IGF2BP2: variants seen among roughly 807,000 people sequenced by gnomAD.
IGF2BP2 encodes the protein insulin-like growth factor 2 mRNA-binding protein 2.
A neutral mutation model predicts 75.8 loss-of-function variants in IGF2BP2; 17 were observed. The ratio of observed to expected loss-of-function variants is 0.22; its 90% CI spans 0.15 to 0.34. The LOEUF (loss-of-function observed/expected upper bound fraction) is 0.34. IGF2BP2 is among the 10% of genes least tolerant of loss of function. The pLI is 1.00. For synonymous variants in IGF2BP2, 288 were observed against 295.6 expected (o/e 0.97, Z 0.26); for missense variants, 516 against 772.4 (o/e 0.67, Z 3.93).
At chr3:185,691,357 CA>C (rs1721932495) in intron 5 of IGF2BP2, among the ~76,000 whole-genome samples, 1 of 152,190 alleles carries the variant, frequency 6.6e-6, no homozygotes, top group Non-Finnish European at 1.5e-5. Context: ...CTCGGCCTCC[CA>C]AAGGGCTGGG....
At chr3:185,672,976 T>G (rs1042428307) in intron 9 of IGF2BP2, among the ~76,000 whole-genome samples, 2 of 152,202 alleles carry the variant, frequency 1.3e-5, no homozygotes, top group African/African-American at 4.8e-5. Context: ...TGGCCAGTCC[T>G]GTTTCCTAAA....
chr3:185,772,173 A>T (rs772458021), intron 2 of IGF2BP2, among the ~76,000 whole-genome samples: 2 of 152,100 alleles, frequency 1.3e-5, no homozygotes, highest in African/African-American at 2.4e-5. Flanking sequence ...TGTTTTGTTC[A>T]CTGTTCTAGC....
At chr3:185,684,532 G>A (rs920859058) in intron 7 of IGF2BP2, among the ~76,000 whole-genome samples, 1 of 152,056 alleles carries the variant, frequency 6.6e-6, no homozygotes, top group Non-Finnish European at 1.5e-5. Context: ...AGCTTCCCAA[G>A]TAGCTGGGAC....
At chr3:185,759,029 C>T (rs993211198) in intron 2 of IGF2BP2, among the ~76,000 whole-genome samples, 1 of 152,152 alleles carries the variant, frequency 6.6e-6, no homozygotes, top group African/African-American at 2.4e-5. Context: ...GAATTCAGCT[C>T]CCATGCAGGC....
chr3:185,753,136 A>C (rs2149645668), intron 2 of IGF2BP2, among the ~76,000 whole-genome samples: 1 of 152,298 alleles, frequency 6.6e-6, no homozygotes, highest in Admixed American at 6.5e-5. Flanking sequence ...ATTCTCATAA[A>C]ACCAACTACT....
Position 185,815,080 on chromosome 3 carries a change from G to A in IGF2BP2, c.239+8073C>T, listed in dbSNP as rs901933512. On this transcript the variant is annotated intron_variant, in intron 2 of 15. Transcript: ENST00000382199. The stretch of plus-strand genomic sequence containing the variant: ...TATATATATCTGGGTCAAAGGCATG[G>A]AACAGGCCCTCCTCCCACACTGCAT... 1.3e-5 allele frequency among the ~76,000 whole-genome samples: 2 copies of A among 151,716 alleles called. 1 individual carries two copies. Among genetic ancestry groups the A allele is most frequent in the South Asian group, 4.2e-4 (2 of 4,798 alleles).
intron 10 of IGF2BP2, among the ~76,000 whole-genome samples, chr3:185,664,724 G>C (rs1717009682): frequency 6.6e-6 from 1 of 152,196 alleles, no homozygotes; most frequent in African/African-American, 2.4e-5. Context: ...CAATGCACGA[G>C]ACTGTTAAAC....
In IGF2BP2 at chr3:185,672,576, C is replaced by T. The variant is rs770820589; in HGVS notation, c.1165G>A (p.Gly389Arg). The change falls in exon 10 of 16, where the codon GGA becomes AGA. Residue 389 changes from glycine (G) to arginine (R), a missense_variant. Gly to Arg is a moderately radical substitution (Grantham distance 125). This residue lies in a region of IGF2BP2 where 75 missense variants were observed against 67.4 expected (regional missense o/e 1.11). Coordinates refer to ENST00000382199, the MANE Select transcript of IGF2BP2 (RefSeq NM_006548.6). ...TGGTAGGGGGCAGCGGGGGGAGCTC[C>T]GCGGGGCCCTGCTGGTGGAGATAGC... is the stretch of plus-strand genomic sequence containing the variant. Reference protein sequence around the residue: ...SVLSPPAGPRGAPPAAPYHPF... With the variant: ...SVLSPPAGPRRAPPAAPYHPF... 5 of 1,613,104 alleles carry T rather than the reference C, an allele frequency of 3.1e-6. No individual in the cohort carries two copies. The highest frequency in any genetic ancestry group is 2.5e-6 in the Non-Finnish European group (3 of 1,179,544).
At chr3:185,664,698 C>A (rs1409741743) in intron 10 of IGF2BP2, among the ~76,000 whole-genome samples, 1 of 152,164 alleles carries the variant, frequency 6.6e-6, no homozygotes, top group Admixed American at 6.5e-5. Context: ...AGGGAAGACA[C>A]TGCTGAAAAG....
At chr3:185,772,022 C>G (rs920621945) in intron 2 of IGF2BP2, among the ~76,000 whole-genome samples, 1 of 152,116 alleles carries the variant, frequency 6.6e-6, no homozygotes, top group African/African-American at 2.4e-5. Flanking sequence ...CACAGCAACT[C>G]CTTTTGCTTA....
rs746900841 is a variant in IGF2BP2, at chr3:185,669,139, G to A, written c.1200+3402C>T. Among the ~76,000 whole-genome samples, 16 of 152,194 alleles carry A rather than the reference G, an allele frequency of 1.1e-4. 1 individual carries two copies. The highest frequency in any genetic ancestry group is 2.1e-4 in the South Asian group (1 of 4,822). ...GGTATGGAAGAAAAAATCTTGCTCC[G>A]TTACACACACTCTTGATGGGAATGA... On this transcript the variant is annotated intron_variant, in intron 10 of 15. Transcript: ENST00000382199.
At chr3:185,677,066 TATAGAG>T (rs1216721800) in intron 7 of IGF2BP2, among the ~76,000 whole-genome samples, 1,409 of 38,292 alleles carry the variant, frequency 0.037, 39 homozygotes, top group Non-Finnish European at 0.054. Context: ...TATATATATA[TATAGAG>T]AGAGAGAGAG....
At position 185,675,686 on chromosome 3, in the gene IGF2BP2, A is replaced by G. The variant is rs957998565; in HGVS notation, c.935+105T>C. 3.9e-5 allele frequency: 54 copies of G among 1,377,464 alleles called. No individual in the cohort carries two copies. In the Middle Eastern group the frequency reaches 8.0e-4, roughly 20 times the overall value. 85.3% of individuals were successfully genotyped at this position (1,377,464 alleles called of 1,614,324 possible). On this transcript the variant is annotated intron_variant, in intron 8 of 15. Coordinates refer to ENST00000382199, the MANE Select transcript of IGF2BP2 (RefSeq NM_006548.6). ...GATGATGGAGATAATTGCATCACTT[A>G]TGATTATATTCCCATTTTAGGGAAA... is the stretch of plus-strand genomic sequence containing the variant.
chr3:185,709,580 T>A (rs1301313173), intron 2 of IGF2BP2, among the ~76,000 whole-genome samples: 1 of 152,266 alleles, frequency 6.6e-6, no homozygotes, highest in African/African-American at 2.4e-5. Context: ...GACAGCAGTT[T>A]ACTTCTGAAA....
chr3:185,689,452 A>G lies in IGF2BP2; in HGVS notation c.580T>C (p.Phe194Leu), dbSNP rs561951979. ...GTGGGGACCAGGATCCGCAGCGGGAAATCAATCTGTCTGGCCTGAGAAGTG... is the reference window on the plus strand; with the variant it reads ...GTGGGGACCAGGATCCGCAGCGGGAGATCAATCTGTCTGGCCTGAGAAGTG... The part of the protein sequence containing the change: ...GGTSQARQID[F>L]PLRILVPTQF... Residue 194 changes from phenylalanine to leucine, a missense_variant, in exon 6 of 16, where the codon TTC becomes CTC. Physicochemically the swap from Phe to Leu is conservative, Grantham distance 22. Coordinates refer to ENST00000382199, the MANE Select transcript of IGF2BP2 (RefSeq NM_006548.6). 6.2e-7 allele frequency: 1 copy of G among 1,613,766 alleles called. No individual in the cohort carries two copies.
At chr3:185,747,925 G>A (rs1303914775) in intron 2 of IGF2BP2, among the ~76,000 whole-genome samples, 2 of 151,798 alleles carry the variant, frequency 1.3e-5, no homozygotes, top group African/African-American at 2.4e-5. Flanking sequence ...GTGCAATCTC[G>A]GCTCACTGCA....
intron 2 of IGF2BP2, among the ~76,000 whole-genome samples, chr3:185,761,672 T>C (rs1464923755): frequency 2.0e-5 from 3 of 152,184 alleles, no homozygotes; most frequent in Non-Finnish European, 4.4e-5. Flanking sequence ...TCAACAAAAC[T>C]CTTCCTGCAC....
At chr3:185,717,990 C>T (rs1725895977) in intron 2 of IGF2BP2, 1 of 152,262 alleles carries the variant, frequency 6.6e-6, no homozygotes, top group East Asian at 1.9e-4. Context: ...GACATGATCT[C>T]TTGCATGGGC....
chr3:185,763,332 T>C (rs1301291321), intron 2 of IGF2BP2, among the ~76,000 whole-genome samples: 1 of 152,212 alleles, frequency 6.6e-6, no homozygotes, highest in Non-Finnish European at 1.5e-5. Context: ...GTACCAAAAT[T>C]ACCCTACCTT....
Sources: allele counts gnomAD v4.1 joint callset (sites outside exome capture counted in the v4.1 genomes callset), GRCh38; gene constraint gnomAD v4.1.1; regional missense constraint gnomAD v4.1.1; transcripts MANE v1.5; gene names NCBI Gene and HGNC (gene_info 2026-07-23, HGNC 2026-07-21).